Variants in CPA6 observed in about 807,000 individuals in gnomAD.
The protein encoded by CPA6 is carboxypeptidase A6.
CPA6 carries 58 observed loss-of-function variants against 63.3 expected under a neutral mutation model. The ratio of observed to expected loss-of-function variants is 0.92; its 90% CI spans 0.74 to 1.14. The LOEUF (loss-of-function observed/expected upper bound fraction) is 1.14. Ranked by LOEUF, CPA6 falls within the 50% of genes most tolerant of loss-of-function variation. The pLI, the probability that CPA6 is intolerant of heterozygous loss-of-function variation, is 0.00. For missense variants in CPA6, 565 were observed against 526.6 expected (o/e 1.07, Z -0.71); for synonymous variants, 185 against 179.0 (o/e 1.03, Z -0.27).
At chr8:67,628,457 C>T (rs9643584) in intron 1 of CPA6, among the ~76,000 whole-genome samples, 41,969 of 152,052 alleles carry the variant, frequency 0.28, 5,962 homozygotes, top group African/African-American at 0.34. Flanking sequence ...ACAGAATTTA[C>T]GAACCTACAC....
chr8:67,536,031 T>A (rs550911328), intron 2 of CPA6, among the ~76,000 whole-genome samples: 178 of 152,312 alleles, frequency 1.2e-3, no homozygotes, highest in Non-Finnish European at 1.9e-3. Context: ...GTGGTGTTAT[T>A]TCTGAGGCCT....
chr8:67,467,559 G>GC (rs757216655), intron 8 of CPA6, among the ~76,000 whole-genome samples: 3 of 152,124 alleles, frequency 2.0e-5, no homozygotes, highest in Non-Finnish European at 4.4e-5. Flanking sequence ...TCTTGCTGGT[G>GC]TCTTAATAAG....
intron 1 of CPA6, among the ~76,000 whole-genome samples, chr8:67,688,548 G>A (rs972676673): frequency 6.6e-6 from 1 of 152,152 alleles, no homozygotes; most frequent in African/African-American, 2.4e-5. Context: ...CTATGCATAT[G>A]TTTATCAAGG....
chr8:67,430,142 T>C (rs1343638373), intron 9 of CPA6, among the ~76,000 whole-genome samples: 2 of 145,994 alleles, frequency 1.4e-5, no homozygotes, highest in Admixed American at 1.4e-4. Flanking sequence ...TGTGTGTGTG[T>C]GTGTGTGTGT....
intron 2 of CPA6, among the ~76,000 whole-genome samples, chr8:67,522,088 C>A (rs1182604840): frequency 6.6e-6 from 1 of 152,104 alleles, no homozygotes; most frequent in Admixed American, 6.5e-5. Context: ...AGCCTGAAAA[C>A]CAAGCTGTCA....
chr8:67,631,959 A>G (rs1237893408), intron 1 of CPA6, among the ~76,000 whole-genome samples: 1 of 152,162 alleles, frequency 6.6e-6, no homozygotes, highest in Non-Finnish European at 1.5e-5. Context: ...ATCAGAAGGA[A>G]CAACTCCAGA....
intron 2 of CPA6, among the ~76,000 whole-genome samples, chr8:67,521,820 G>A (rs1314478272): frequency 2.6e-5 from 4 of 152,202 alleles, no homozygotes; most frequent in African/African-American, 9.6e-5. Context: ...TAGTGGTGAT[G>A]AATTCCATGG....
chr8:67,692,328 C>CAA (rs55676882), intron 1 of CPA6, among the ~76,000 whole-genome samples: 76 of 89,486 alleles, frequency 8.5e-4, no homozygotes, highest in Non-Finnish European at 1.2e-3. Flanking sequence ...AATCCTGTCT[C>CAA]AAAAAAAAAA....
intron 2 of CPA6, among the ~76,000 whole-genome samples, chr8:67,532,942 G>A (rs531431836): frequency 1.3e-5 from 2 of 152,268 alleles, no homozygotes; most frequent in African/African-American, 4.8e-5. Flanking sequence ...AATAAACGTC[G>A]TGGGTGTTTT....
intron 1 of CPA6, among the ~76,000 whole-genome samples, chr8:67,745,661 T>A (rs1211021102): frequency 6.6e-6 from 1 of 152,040 alleles, no homozygotes; most frequent in Non-Finnish European, 1.5e-5. Context: ...AAAGGCTTAG[T>A]TTTCAGGTCA....
At chr8:67,642,793 T>TCACACGCACACA (rs1554528657) in intron 1 of CPA6, among the ~76,000 whole-genome samples, 1 of 145,074 alleles carries the variant, frequency 6.9e-6, no homozygotes, top group Admixed American at 6.9e-5. Flanking sequence ...GGCCTTTATC[T>TCACACGCACACA]CACACACACA....
intron 8 of CPA6, among the ~76,000 whole-genome samples, chr8:67,466,073 G>A (rs1003483891): frequency 6.8e-6 from 1 of 147,368 alleles, no homozygotes; most frequent in African/African-American, 2.5e-5. Flanking sequence ...GATTCATCTG[G>A]TCTGAGGCTT....
intron 2 of CPA6, among the ~76,000 whole-genome samples, chr8:67,570,896 T>C (rs1409316432): frequency 6.6e-6 from 1 of 152,116 alleles, no homozygotes; most frequent in Non-Finnish European, 1.5e-5. Context: ...TTCAAAGACA[T>C]AGAGTGAATG....
At chr8:67,601,458 G>A (rs1249910105) in intron 2 of CPA6, among the ~76,000 whole-genome samples, 2 of 152,150 alleles carry the variant, frequency 1.3e-5, no homozygotes, top group African/African-American at 4.8e-5. Context: ...CCTATCAGCT[G>A]GCTGAGGTTT....
intron 1 of CPA6, among the ~76,000 whole-genome samples, chr8:67,741,740 T>C (rs1232166354): frequency 1.3e-5 from 2 of 152,232 alleles, no homozygotes; most frequent in African/African-American, 4.8e-5. Flanking sequence ...GACTGCCTAG[T>C]TGCAGGAAAA....
chr8:67,607,323 CTCT>C (rs772833775), intron 2 of CPA6, among the ~76,000 whole-genome samples: 23 of 151,280 alleles, frequency 1.5e-4, no homozygotes, highest in Non-Finnish European at 3.1e-4. Flanking sequence ...CTTTCCACCT[CTCT>C]TCAACTTAAT....
intron 1 of CPA6, among the ~76,000 whole-genome samples, chr8:67,683,540 A>G (rs1003917639): frequency 6.6e-6 from 1 of 152,120 alleles, no homozygotes; most frequent in African/African-American, 2.4e-5. Context: ...GATCCTCTAC[A>G]ATCTGACCAC....
chr8:67,705,222 G>A (rs983866203), intron 1 of CPA6, among the ~76,000 whole-genome samples: 2 of 152,146 alleles, frequency 1.3e-5, no homozygotes, highest in Non-Finnish European at 2.9e-5. Context: ...TGGAAACGGG[G>A]CTGCCTTGAG....
At chr8:67,508,696 G>A (rs1052641933) in intron 5 of CPA6, among the ~76,000 whole-genome samples, 2 of 152,126 alleles carry the variant, frequency 1.3e-5, no homozygotes, top group African/African-American at 2.4e-5. Context: ...AAAGGCTGGT[G>A]AGTCAAAGTC....
Sources: allele counts gnomAD v4.1 joint callset (sites outside exome capture counted in the v4.1 genomes callset), GRCh38; gene constraint gnomAD v4.1.1; transcripts MANE v1.5; gene names NCBI Gene and HGNC (gene_info 2026-07-23, HGNC 2026-07-21).